Variants in FNIP1 observed in about 807,000 individuals in gnomAD.
FNIP1 encodes folliculin-interacting protein 1.
A neutral mutation model predicts 124.5 loss-of-function variants in FNIP1; 40 were observed. The ratio of observed to expected loss-of-function variants is 0.32; its 90% CI spans 0.25 to 0.42. The LOEUF is 0.42. Among genes scored for constraint, FNIP1 ranks in the 10% least tolerant of loss-of-function variants. The probability of loss-of-function intolerance (pLI) is 1.00; values close to 1 mark genes in which losing one functional copy is unlikely to be tolerated. For synonymous variants in FNIP1, 472 were observed against 470.6 expected, an observed-to-expected ratio of 1.00 and a Z score of -0.04; for missense variants, 1,176 against 1,403.7, an observed-to-expected ratio of 0.84 and a Z score of 2.59.
chr5:131,666,484 A>G (rs1407029223), intron 15 of FNIP1, among the ~76,000 whole-genome samples: 1 of 152,298 alleles, frequency 6.6e-6, no homozygotes, highest in Non-Finnish European at 1.5e-5. Context: ...TAACTTTGTA[A>G]TGGTGATTTT....
rs1377585139 is a variant in FNIP1 at position 131,672,523 on chromosome 5, G to A, written c.1921C>T (p.Leu641=). 6.2e-6 allele frequency: 10 copies of A among 1,613,742 alleles called. No homozygotes were observed. The East Asian group carries it at 1.8e-4, about 29-fold the overall frequency. The change falls in exon 14 of 18, where the codon CTA becomes TTA. Residue 641 remains leucine (L), a synonymous_variant. Transcript: ENST00000510461. Reference sequence around the variant, plus strand: ...ATCTGGCACTCATCTGAAATTCCTAGCAGCTCCTTAGAGCTGTTTTGAATA... The same window carrying A: ...ATCTGGCACTCATCTGAAATTCCTAACAGCTCCTTAGAGCTGTTTTGAATA... ...EDIQNSSKEL[L]GISDECQMIS...
rs1767755790 is a variant in FNIP1 at position 131,671,692 on chromosome 5, T to G, written c.2752A>C (p.Lys918Gln). ...TLSILVPHGD[K>Q]ESSDKKIAVG... ...GCAATTTTTTTATCTGAACTCTCTTTATCCCCATGGGGGACAAGAATGGAG... is the reference window on the plus strand; with the variant it reads ...GCAATTTTTTTATCTGAACTCTCTTGATCCCCATGGGGGACAAGAATGGAG... Residue 918 changes from lysine to glutamine, a missense_variant, in exon 14 of 18, where the codon AAA becomes CAA. Transcript: ENST00000510461. The G allele has an allele frequency of 6.2e-7, 1 of 1,614,090 alleles. No individual in the cohort carries two copies. Among genetic ancestry groups the G allele is most frequent in the South Asian group, 1.1e-5 (1 of 91,092 alleles).
rs532044925 is a variant in FNIP1, at chr5:131,765,307, C to T, written c.93-20617G>A. On this transcript the variant is annotated intron_variant, in intron 1 of 17. Transcript: ENST00000510461. ...AGAAACACCTTTCTAAGACATGTTT[C>T]CTTTTCTATTGATTCATATTACATG... is the stretch of plus-strand genomic sequence containing the variant. 2.0e-5 allele frequency among the ~76,000 whole-genome samples: 3 copies of T among 152,030 alleles called. No homozygotes were observed. In the South Asian group the frequency reaches 6.2e-4, roughly 32 times the overall value.
chr5:131,685,850 G>C (rs370493590), intron 11 of FNIP1, among the ~76,000 whole-genome samples: 14 of 151,962 alleles, frequency 9.2e-5, no homozygotes, highest in Non-Finnish European at 1.6e-4. Context: ...CAAATACAAG[G>C]CTATAACTTT....
intron 1 of FNIP1, among the ~76,000 whole-genome samples, chr5:131,786,411 G>C (rs78638764): frequency 6.6e-6 from 1 of 152,294 alleles, no homozygotes; most frequent in South Asian, 2.1e-4. Flanking sequence ...GGTTCTATTG[G>C]AGCTGTAAAA....
intron 1 of FNIP1, among the ~76,000 whole-genome samples, chr5:131,774,890 T>C (rs1238097947): frequency 1.3e-5 from 2 of 152,236 alleles, no homozygotes; most frequent in African/African-American, 2.4e-5. Context: ...CCCATAAATG[T>C]TTCCTCATGC....
chr5:131,742,938 A>G (rs1330396999), intron 2 of FNIP1, among the ~76,000 whole-genome samples: 1 of 152,236 alleles, frequency 6.6e-6, no homozygotes, highest in Middle Eastern at 3.2e-3. Context: ...ATGTGTCCTG[A>G]GTACTTACCA....
At chr5:131,728,720 C>T (rs1390784587) in intron 3 of FNIP1, among the ~76,000 whole-genome samples, 1 of 152,046 alleles carries the variant, frequency 6.6e-6, no homozygotes, top group African/African-American at 2.4e-5. Context: ...AGTTTTGTTC[C>T]CTTGCTGGCA....
At chr5:131,732,308 A>T (rs2149551019) in intron 2 of FNIP1, among the ~76,000 whole-genome samples, 1 of 152,352 alleles carries the variant, frequency 6.6e-6, no homozygotes, top group East Asian at 1.9e-4. Context: ...GTTAAAAATT[A>T]CATGTACTAG....
At chr5:131,766,939 G>A (rs960440584) in intron 1 of FNIP1, among the ~76,000 whole-genome samples, 1 of 152,134 alleles carries the variant, frequency 6.6e-6, no homozygotes, top group East Asian at 1.9e-4. Flanking sequence ...GTTGAGGGCT[G>A]ATCTGCACTC....
At position 131,671,610 on chromosome 5, in the gene FNIP1, T is replaced by G; in HGVS notation, c.2834A>C (p.Asp945Ala). ...RNESSDSALGDSESEDTGHDM... is the reference protein window; with the variant it reads ...RNESSDSALGASESEDTGHDM... ...ATGACCTGTATCTTCACTTTCACTATCCCCAAGGGCACTGTCTGAACTTTC... is the reference window on the plus strand; with the variant it reads ...ATGACCTGTATCTTCACTTTCACTAGCCCCAAGGGCACTGTCTGAACTTTC... Residue 945 changes from aspartate to alanine, a missense_variant, in exon 14 of 18, where the codon GAT becomes GCT. By Grantham distance (126) the Asp-to-Ala change is moderately radical. Transcript: ENST00000510461. 5 of 1,614,032 alleles carry G rather than the reference T, an allele frequency of 3.1e-6. No homozygotes were observed. Among genetic ancestry groups the G allele is most frequent in the Non-Finnish European group, 4.2e-6 (5 of 1,180,000 alleles).
At chr5:131,715,214 G>A (rs530331764) in intron 6 of FNIP1, among the ~76,000 whole-genome samples, 22 of 152,236 alleles carry the variant, frequency 1.4e-4, no homozygotes, top group African/African-American at 4.6e-4. Context: ...GCTGGGGCAC[G>A]GTGGCTCACA....
rs563608451 is a variant in FNIP1 at position 131,719,141 on chromosome 5, G to C, written c.456-81C>G. 47 of 1,370,336 alleles carry C rather than the reference G, an allele frequency of 3.4e-5. 1 individual carries two copies. In the South Asian group the frequency reaches 5.3e-4, roughly 16 times the overall value. 84.9% of individuals were successfully genotyped at this position (1,370,336 alleles called of 1,614,324 possible). ...ATTTATTATAAATAAAAATGTGTAA[G>C]TCACAGAGGTTTCACAGCATAGCTG... On this transcript the variant is annotated intron_variant, in intron 4 of 17. Coordinates refer to ENST00000510461, the MANE Select transcript of FNIP1 (RefSeq NM_133372.3).
At chr5:131,717,042 G>C (rs1337014676) in intron 5 of FNIP1, among the ~76,000 whole-genome samples, 2 of 151,646 alleles carry the variant, frequency 1.3e-5, no homozygotes, top group Non-Finnish European at 2.9e-5. Flanking sequence ...CAATGTGCAG[G>C]TTTGTTACAT....
intron 11 of FNIP1, among the ~76,000 whole-genome samples, chr5:131,684,092 A>C (rs1768184182): frequency 1.3e-5 from 2 of 152,250 alleles, no homozygotes; most frequent in East Asian, 3.8e-4. Context: ...TCAGCACTAC[A>C]TTTGGAAGCC....
At position 131,704,228 on chromosome 5, in the gene FNIP1, C is replaced by T. The variant is rs772804467; in HGVS notation, c.953G>A (p.Cys318Tyr). The change falls in exon 10 of 18, where the codon TGT becomes TAT. Residue 318 changes from cysteine (C) to tyrosine (Y), a missense_variant. Coordinates refer to ENST00000510461, the MANE Select transcript of FNIP1 (RefSeq NM_133372.3). Reference protein sequence around the residue: ...EESFNLSDESCGPNPGIVRKK... With the variant: ...EESFNLSDESYGPNPGIVRKK... ...CCGCACAATTCCTGGGTTAGGGCCA[C>T]AGCTTTCATCTGAGAGATTAAAGCT... 4 of 1,613,206 alleles carry T rather than the reference C, an allele frequency of 2.5e-6. No individual in the cohort carries two copies. The African/African-American group carries it at 5.3e-5, about 22-fold the overall frequency.
chr5:131,711,470 G>C (rs1769289115), intron 6 of FNIP1, among the ~76,000 whole-genome samples: 1 of 152,218 alleles, frequency 6.6e-6, no homozygotes, highest in Non-Finnish European at 1.5e-5. Context: ...GGGGCTTTCT[G>C]TTTTAAAAAG....
At chr5:131,649,605 C>CT (rs1766987191) in intron 16 of FNIP1, among the ~76,000 whole-genome samples, 2 of 152,034 alleles carry the variant, frequency 1.3e-5, no homozygotes, top group African/African-American at 4.8e-5. Context: ...TATAGGTTGT[C>CT]TTTTCACTCT....
chr5:131,735,589 T>C (rs567196261), intron 2 of FNIP1, among the ~76,000 whole-genome samples: 4 of 148,802 alleles, frequency 2.7e-5, no homozygotes, highest in Non-Finnish European at 5.9e-5. Flanking sequence ...CATATACACG[T>C]ATTTATATAT....
Sources: gnomAD v4.1 joint callset for allele counts (sites outside exome capture counted in the v4.1 genomes callset) on GRCh38, gnomAD v4.1.1 for gene constraint, MANE v1.5 for transcripts, NCBI Gene and HGNC (gene_info 2026-07-23, HGNC 2026-07-21) for gene names.